CLDN16: variants seen among roughly 807,000 people sequenced by gnomAD.
The protein encoded by CLDN16 is claudin 16, also known as claudin-16.
In CLDN16, 13 loss-of-function variants were observed where a neutral mutation model predicts 24.6. That is an observed-to-expected ratio of 0.53 (90% confidence interval 0.34 to 0.84). CLDN16 has a LOEUF of 0.84. Among genes scored for constraint, CLDN16 ranks in the 40% least tolerant of loss-of-function variants. The probability of loss-of-function intolerance (pLI) is 0.01; values close to 1 mark genes in which losing one functional copy is unlikely to be tolerated. For missense variants in CLDN16, 298 were observed against 292.7 expected, an observed-to-expected ratio of 1.02 and a Z score of -0.13; for synonymous variants, 116 against 106.7, an observed-to-expected ratio of 1.09 and a Z score of -0.54.
Position 190,399,204 on chromosome 3 carries a change from T to C in CLDN16, c.115-3133T>C, listed in dbSNP as rs1234012734. 2.0e-5 allele frequency among the ~76,000 whole-genome samples: 3 copies of C among 152,170 alleles called. No individual in the cohort carries two copies. The East Asian group carries it at 5.8e-4, about 29-fold the overall frequency. ...ATTTTAAAATGGATTTGGAATTCTT[T>C]TTAAAAAAATGTTTTTAGGCTGGGC... On this transcript the variant is annotated intron_variant, in intron 1 of 4. Coordinates refer to ENST00000264734, the MANE Select transcript of CLDN16 (RefSeq NM_006580.4).
intron 3 of CLDN16, 39 bp downstream of exon 3, chr3:190,404,965 C>T: frequency 6.3e-7 from 1 of 1,598,940 alleles, no homozygotes. Context: ...GGTAGGGAGA[C>T]TCTGCTAAGG....
chr3:190,347,210 C>T (rs371339156), intron 1 of CLDN16, among the ~76,000 whole-genome samples: 31 of 152,058 alleles, frequency 2.0e-4, no homozygotes, highest in East Asian at 1.7e-3. Flanking sequence ...GGGATGGCAA[C>T]GTATAGATGA....
At chr3:190,333,075 A>G (rs577941974) in intron 1 of CLDN16, among the ~76,000 whole-genome samples, 2 of 152,314 alleles carry the variant, frequency 1.3e-5, no homozygotes, top group African/African-American at 4.8e-5. Flanking sequence ...GTCAAAAGCT[A>G]TCAGACCATA....
the CLDN16 span, among the ~76,000 whole-genome samples, chr3:190,292,461 A>G: frequency 1.3e-5 from 2 of 152,194 alleles, no homozygotes; most frequent in East Asian, 1.9e-4. Context: ...CTCTGGGCCT[A>G]TGATGGAAAG....
At chr3:190,397,502 G>T (rs756429081) in intron 1 of CLDN16, among the ~76,000 whole-genome samples, 2 of 152,182 alleles carry the variant, frequency 1.3e-5, no homozygotes, top group Non-Finnish European at 2.9e-5. Flanking sequence ...ATTTAGATTT[G>T]CTTGCTTTTT....
intron 3 of CLDN16, among the ~76,000 whole-genome samples, chr3:190,406,293 C>G (rs949634121): frequency 6.6e-6 from 1 of 152,142 alleles, no homozygotes; most frequent in African/African-American, 2.4e-5. Flanking sequence ...TAGAATTCTT[C>G]CCTTCTGTAA....
chr3:190,297,569 G>C, the CLDN16 span, among the ~76,000 whole-genome samples: 2 of 125,390 alleles, frequency 1.6e-5, no homozygotes, highest in South Asian at 2.3e-4. Flanking sequence ...ATAATATATA[G>C]TATATAATAT....
intron 3 of CLDN16, among the ~76,000 whole-genome samples, chr3:190,378,348 G>C (rs1394825346): frequency 1.3e-5 from 2 of 151,888 alleles, no homozygotes; most frequent in African/African-American, 4.8e-5. Flanking sequence ...TTCTAAAGGA[G>C]GGTAAAACTC....
At chr3:190,390,855 A>G (rs1350237755) in intron 1 of CLDN16, among the ~76,000 whole-genome samples, 1 of 152,100 alleles carries the variant, frequency 6.6e-6, no homozygotes, top group Non-Finnish European at 1.5e-5. Flanking sequence ...GTGTGATCAT[A>G]TCTCACTGCA....
chr3:190,352,184 T>A, intron 1 of CLDN16, among the ~76,000 whole-genome samples: 1 of 151,200 alleles, frequency 6.6e-6, no homozygotes. Context: ...AGTAAAACAA[T>A]AAAAAAGGAA....
intron 3 of CLDN16, among the ~76,000 whole-genome samples, chr3:190,407,333 T>C (rs1278710082): frequency 2.0e-5 from 3 of 152,038 alleles, no homozygotes; most frequent in Non-Finnish European, 4.4e-5. Context: ...TATTTGGGTG[T>C]TGGTGGGCAA....
chr3:190,404,726 C>T (rs750447281), intron 2 of CLDN16, 36 bp from the exon 3 acceptor site: 52 of 1,610,270 alleles, frequency 3.2e-5, no homozygotes, highest in Non-Finnish European at 4.3e-5. Context: ...GTTCCTTCTT[C>T]TGACTCTGCT....
chr3:190,410,651 A>C lies in CLDN16; in HGVS notation c.*615A>C, dbSNP rs1230569810. 1.3e-5 allele frequency: 2 copies of C among 152,502 alleles called. No homozygotes were observed. The highest frequency in any genetic ancestry group is 2.9e-5 in the Non-Finnish European group (2 of 68,434). The allele number at this position is 152,502 out of a possible 1,614,324, so 9.4% of individuals were successfully genotyped here. ...CCCCACCCCCAAATGTCAAAGGCAA[A>C]TGCTAAATTGATACTGGAGCTCGTG... On this transcript the variant is annotated 3_prime_UTR_variant, in exon 5 of 5. Coordinates refer to ENST00000264734, the MANE Select transcript of CLDN16 (RefSeq NM_006580.4).
the CLDN16 span, among the ~76,000 whole-genome samples, chr3:190,314,991 A>C: frequency 1.3e-5 from 2 of 152,146 alleles, no homozygotes; most frequent in Admixed American, 6.5e-5. Flanking sequence ...TTATTACACA[A>C]CTTTTTCCTT....
intron 3 of CLDN16, among the ~76,000 whole-genome samples, chr3:190,379,614 A>G (rs1478510620): frequency 6.6e-6 from 1 of 152,136 alleles, no homozygotes; most frequent in African/African-American, 2.4e-5. Context: ...GTGGTCATCT[A>G]CAATGATACA....
chr3:190,355,905 A>AT (rs143450588), intron 1 of CLDN16, among the ~76,000 whole-genome samples: 15,509 of 151,130 alleles, frequency 0.1, 1,075 homozygotes, highest in African/African-American at 0.2. Context: ...TGGTTCTTTT[A>AT]TTTTTTTTAA....
chr3:190,350,342 TG>T (rs1386738878), intron 1 of CLDN16, among the ~76,000 whole-genome samples: 9 of 76,550 alleles, frequency 1.2e-4, no homozygotes, highest in Non-Finnish European at 1.7e-4. Flanking sequence ...TAGTTCATAA[TG>T]TTATATATAT....
At chr3:190,330,847 T>C (rs77020327) in intron 1 of CLDN16, among the ~76,000 whole-genome samples, 2,203 of 152,342 alleles carry the variant, frequency 0.014, 56 homozygotes, top group African/African-American at 0.048. Flanking sequence ...TGTGTCTATG[T>C]AACTTTTAAC....
At chr3:190,363,566 A>G (rs1336528951) in intron 1 of CLDN16, among the ~76,000 whole-genome samples, 53 of 116,800 alleles carry the variant, frequency 4.5e-4, no homozygotes, top group African/African-American at 1.8e-3. Flanking sequence ...GTATATATAT[A>G]TATATATATA....
Sources: gnomAD v4.1 joint callset for allele counts (sites outside exome capture counted in the v4.1 genomes callset) on GRCh38, gnomAD v4.1.1 for gene constraint, MANE v1.5 for transcripts, NCBI Gene and HGNC (gene_info 2026-07-23, HGNC 2026-07-21) for gene names.